TANGO2: variants seen among roughly 807,000 people sequenced by gnomAD.
TANGO2 encodes transport and golgi organization 2 homolog, also known as transport and Golgi organization protein 2 homolog.
Under a neutral mutation model 39.1 loss-of-function variants are expected in TANGO2, and 26 were observed. The observed-to-expected ratio is 0.67, with a 90% CI of 0.49 to 0.92. The LOEUF is 0.92. TANGO2 is among the 40% of genes least tolerant of loss of function. The probability of loss-of-function intolerance (pLI) is 0.00; values close to 1 mark genes in which losing one functional copy is unlikely to be tolerated. For synonymous variants in TANGO2, 131 were observed against 144.5 expected (o/e 0.91, Z 0.67); for missense variants, 326 against 360.1 (o/e 0.91, Z 0.77).
At chr22:20,024,419 G>T (rs936871837) in intron 1 of TANGO2, among the ~76,000 whole-genome samples, 1 of 152,168 alleles carries the variant, frequency 6.6e-6, no homozygotes, top group African/African-American at 2.4e-5. Context: ...GACAGCCACC[G>T]GGAGCCCGCG....
chr22:20,056,933 C>T (rs113918395), intron 6 of TANGO2: 252 of 456,580 alleles, frequency 5.5e-4, no homozygotes, highest in African/African-American at 4.1e-3. Context: ...GGTGTTCCGG[C>T]GCCTGGGGAG....
At position 20,050,896 on chromosome 22, in the gene TANGO2, C is replaced by T. The variant is rs191171760; in HGVS notation, c.146-1569C>T. On this transcript the variant is annotated intron_variant, in intron 3 of 8. Transcript: ENST00000327374. ...CGCTGAGAGTGCAATGGTGTGATCT[C>T]GGCTCACTGCAACCTCCACCTCCCG... 5.5e-4 allele frequency among the ~76,000 whole-genome samples: 77 copies of T among 139,036 alleles called. 1 individual carries two copies. The highest frequency in any genetic ancestry group is 1.8e-3 in the African/African-American group (67 of 36,858). The allele number at this position is 139,036 out of a possible 152,430, so 91.2% of individuals were successfully genotyped here.
chr22:20,024,701 T>G (rs2040396100), intron 1 of TANGO2, among the ~76,000 whole-genome samples: 1 of 152,252 alleles, frequency 6.6e-6, no homozygotes, highest in Admixed American at 6.5e-5. Context: ...CTAGGTCCCC[T>G]TGACCCTGTG....
intron 3 of TANGO2, 106 bp downstream of exon 3, chr22:20,043,549 C>T (rs1193916475): frequency 8.8e-6 from 7 of 799,902 alleles, no homozygotes; most frequent in East Asian, 2.6e-5. Context: ...AGTGTGATGG[C>T]GGGGTGTAGA....
rs1029411315 is a variant in TANGO2 at position 20,057,617 on chromosome 22, G to C, written c.451+1604G>C. 6.6e-6 allele frequency among the ~76,000 whole-genome samples: 1 copy of C among 152,208 alleles called. No homozygotes were observed. Among genetic ancestry groups the C allele is most frequent in the African/African-American group, 2.4e-5 (1 of 41,450 alleles). Reference sequence around the variant, plus strand: ...CCAGCGAGGCAGGGATGTGGCCCCAGAAGGTCCTGAGCTTGCAAAGGATTG... The same window carrying C: ...CCAGCGAGGCAGGGATGTGGCCCCACAAGGTCCTGAGCTTGCAAAGGATTG... On this transcript the variant is annotated intron_variant, in intron 6 of 8. Transcript: ENST00000327374. This position sits in a 1 kb window ranked among gnomAD's most constrained non-coding sequence, Gnocchi z 4.1.
At chr22:20,045,871 A>G (rs1555998262) in intron 3 of TANGO2, among the ~76,000 whole-genome samples, 1 of 150,128 alleles carries the variant, frequency 6.7e-6, no homozygotes, top group Non-Finnish European at 1.5e-5. Context: ...TTACACACAT[A>G]TATTAGTTCA....
chr22:20,055,822 GGC>G, intron 5 of TANGO2, 119 bp from the exon 6 acceptor site: 1 of 864,246 alleles, frequency 1.2e-6, no homozygotes, highest in South Asian at 1.5e-5. Context: ...CTCCTGACCT[GGC>G]CGCAGCGGGC....
At chr22:20,029,762 A>G (rs1346163881) in intron 1 of TANGO2, among the ~76,000 whole-genome samples, 1 of 152,186 alleles carries the variant, frequency 6.6e-6, no homozygotes, top group Non-Finnish European at 1.5e-5. Flanking sequence ...CAAAGTCCCA[A>G]GTGATTAGTT....
At chr22:20,031,803 C>T (rs1249413515) in intron 1 of TANGO2, among the ~76,000 whole-genome samples, 1 of 152,224 alleles carries the variant, frequency 6.6e-6, no homozygotes, top group Non-Finnish European at 1.5e-5. Context: ...GTGTCCACAG[C>T]GTGGCTGGGC....
chr22:20,041,533 C>T (rs1356743739), intron 2 of TANGO2, among the ~76,000 whole-genome samples: 2 of 152,098 alleles, frequency 1.3e-5, no homozygotes, highest in African/African-American at 4.8e-5. Flanking sequence ...AGGATGGTCT[C>T]GATCTCTTGA....
intron 6 of TANGO2, chr22:20,056,861 G>T: frequency 2.2e-6 from 1 of 456,614 alleles, no homozygotes. Context: ...TGGTGGCATC[G>T]TGGAACTCTG....
At chr22:20,038,049 A>G (rs2043193092) in intron 2 of TANGO2, among the ~76,000 whole-genome samples, 2 of 152,216 alleles carry the variant, frequency 1.3e-5, no homozygotes, top group African/African-American at 4.8e-5. Context: ...AGATTGCGCC[A>G]CTGCACTCCA....
chr22:20,022,424 C>G (rs9618731), intron 1 of TANGO2, among the ~76,000 whole-genome samples: 2 of 152,140 alleles, frequency 1.3e-5, no homozygotes, highest in Admixed American at 1.3e-4. Flanking sequence ...GTAGGGTGCC[C>G]TGGTGCCCCC....
intron 6 of TANGO2, among the ~76,000 whole-genome samples, chr22:20,061,014 G>A (rs2048285390): frequency 6.6e-6 from 1 of 152,152 alleles, no homozygotes; most frequent in Non-Finnish European, 1.5e-5. Flanking sequence ...CCTAACCTGG[G>A]GCCTGGCTGG....
intron 3 of TANGO2, among the ~76,000 whole-genome samples, chr22:20,048,917 T>C (rs1160813080): frequency 6.6e-6 from 1 of 152,222 alleles, no homozygotes; most frequent in Non-Finnish European, 1.5e-5. Flanking sequence ...AGTGGTAGGA[T>C]TACAGGCGTG....
chr22:20,044,479 T>C (rs2044691304), intron 3 of TANGO2, among the ~76,000 whole-genome samples: 2 of 152,198 alleles, frequency 1.3e-5, no homozygotes, highest in South Asian at 4.1e-4. Context: ...TGAGCTGAGA[T>C]TGTGCCACTG....
At chr22:20,037,038 G>A (rs759313521) in intron 2 of TANGO2, 184 bp downstream of exon 2, 23 of 1,555,444 alleles carry the variant, frequency 1.5e-5, no homozygotes, top group East Asian at 4.5e-5. Context: ...CTCTCGGGGC[G>A]GGGACTCCAG....
Position 20,061,600 on chromosome 22 carries a change from C to T in TANGO2, c.522C>T (p.Phe174=), listed in dbSNP as rs1242358750. The change falls in exon 7 of 9, where the codon TTC becomes TTT. Residue 174 remains phenylalanine, a synonymous_variant. Transcript: ENST00000327374. ...AGCTGTGCTTTGGGAAGCAGCTCTT[C>T]CTGGAGGCTGTGGAACGGAGCCAGG... ...WRKLCFGKQL[F]LEAVERSQAL... The T allele has an allele frequency of 6.3e-7, 1 of 1,593,510 alleles. No individual in the cohort carries two copies. Among genetic ancestry groups the T allele is most frequent in the Admixed American group, 1.8e-5 (1 of 56,872 alleles).
At chr22:20,037,872 C>T (rs896218054) in intron 2 of TANGO2, among the ~76,000 whole-genome samples, 2 of 152,014 alleles carry the variant, frequency 1.3e-5, no homozygotes, top group South Asian at 2.1e-4. Context: ...CCAAGGTGGG[C>T]GGATCACAAG....
Sources: allele counts gnomAD v4.1 joint callset (sites outside exome capture counted in the v4.1 genomes callset), GRCh38; gene constraint gnomAD v4.1.1; non-coding constraint Gnocchi (gnomAD v3.1); transcripts MANE v1.5; gene names NCBI Gene and HGNC (gene_info 2026-07-23, HGNC 2026-07-21).